The following ETV6 variants were observed in gnomAD, a reference collection of about 807,000 sequenced individuals.
The protein encoded by ETV6 is ETS variant transcription factor 6.
A neutral mutation model predicts 51.1 loss-of-function variants in ETV6; 16 were observed. The observed-to-expected ratio is 0.31, with a 90% CI of 0.21 to 0.48. The LOEUF (loss-of-function observed/expected upper bound fraction) is 0.48, where lower values mean the gene tolerates loss of function less well. Among genes scored for constraint, ETV6 ranks in the 20% least tolerant of loss-of-function variants. The pLI, the probability that ETV6 is intolerant of heterozygous loss-of-function variation, is 0.99. For missense variants in ETV6, 458 were observed against 594.8 expected, an observed-to-expected ratio of 0.77 and a Z score of 2.39; for synonymous variants, 240 against 224.1, an observed-to-expected ratio of 1.07 and a Z score of -0.64.
chr12:11,836,521 C>T (rs1946318690), intron 2 of ETV6, among the ~76,000 whole-genome samples: 1 of 152,112 alleles, frequency 6.6e-6, no homozygotes, highest in Non-Finnish European at 1.5e-5. Flanking sequence ...CTGGTTGCTT[C>T]AGGGGCTGGG....
At chr12:11,704,595 C>T (rs1425837594) in intron 1 of ETV6, among the ~76,000 whole-genome samples, 1 of 152,160 alleles carries the variant, frequency 6.6e-6, no homozygotes, top group Non-Finnish European at 1.5e-5. Flanking sequence ...GTTCCGCCCA[C>T]CTTGGCCTCT....
At chr12:11,835,459 G>A (rs1283962976) in intron 2 of ETV6, among the ~76,000 whole-genome samples, 2 of 152,158 alleles carry the variant, frequency 1.3e-5, no homozygotes, top group African/African-American at 4.8e-5. Flanking sequence ...AGTTATGTAT[G>A]TGCCTCCCTC....
chr12:11,881,331 G>T (rs1301755525), intron 5 of ETV6, among the ~76,000 whole-genome samples: 1 of 152,216 alleles, frequency 6.6e-6, no homozygotes, highest in African/African-American at 2.4e-5. Context: ...AAATGTGTCT[G>T]CCATTTGATA....
chr12:11,850,405 C>T (rs1169803731), intron 3 of ETV6, among the ~76,000 whole-genome samples: 2 of 152,112 alleles, frequency 1.3e-5, no homozygotes, highest in Non-Finnish European at 2.9e-5. Context: ...AGTTAACCTT[C>T]TTTACCCTTT....
At chr12:11,661,813 T>C (rs1864105531) in intron 1 of ETV6, among the ~76,000 whole-genome samples, 1 of 152,220 alleles carries the variant, frequency 6.6e-6, no homozygotes. Flanking sequence ...TTTGCATTTC[T>C]GAGGCTCCTT....
chr12:11,676,707 G>C (rs1197706516), intron 1 of ETV6, among the ~76,000 whole-genome samples: 1 of 152,130 alleles, frequency 6.6e-6, no homozygotes. Flanking sequence ...CACCTTGTTT[G>C]TATGCATCAT....
At chr12:11,802,492 G>A (rs777523689) in intron 2 of ETV6, among the ~76,000 whole-genome samples, 12 of 152,176 alleles carry the variant, frequency 7.9e-5, no homozygotes, top group Non-Finnish European at 1.6e-4. Context: ...GGGTTTATGA[G>A]CACTGCAAAC....
chr12:11,809,973 C>T (rs1945889746), intron 2 of ETV6, among the ~76,000 whole-genome samples: 1 of 151,966 alleles, frequency 6.6e-6, no homozygotes, highest in African/African-American at 2.4e-5. Flanking sequence ...GCACGCACCA[C>T]AACGCCCAGC....
chr12:11,876,948 A>G (rs1243245582), intron 5 of ETV6, among the ~76,000 whole-genome samples: 1 of 152,234 alleles, frequency 6.6e-6, no homozygotes, highest in African/African-American at 2.4e-5. Flanking sequence ...GTGACTTTAA[A>G]AAATACTTTT....
intron 1 of ETV6, among the ~76,000 whole-genome samples, chr12:11,743,924 G>T (rs945435653): frequency 6.6e-6 from 1 of 152,214 alleles, no homozygotes; most frequent in African/African-American, 2.4e-5. Flanking sequence ...AAGGGTTTAC[G>T]AAGAGGCAAA....
At chr12:11,707,012 G>A (rs1277935974) in intron 1 of ETV6, among the ~76,000 whole-genome samples, 3 of 152,182 alleles carry the variant, frequency 2.0e-5, no homozygotes, top group African/African-American at 7.2e-5. Context: ...TGTTCCCAGG[G>A]GGTGGTTGTG....
At chr12:11,678,442 T>C (rs761990658) in intron 1 of ETV6, among the ~76,000 whole-genome samples, 4 of 152,218 alleles carry the variant, frequency 2.6e-5, no homozygotes, top group Non-Finnish European at 4.4e-5. Flanking sequence ...TTTTATGCCA[T>C]ATACTCTACA....
intron 1 of ETV6, among the ~76,000 whole-genome samples, chr12:11,699,877 C>T (rs759121666): frequency 3.3e-5 from 5 of 152,154 alleles, no homozygotes; most frequent in Non-Finnish European, 7.4e-5. Flanking sequence ...ATGCATTGGA[C>T]TTCCTTCATT....
In ETV6 at chr12:11,893,567, A is replaced by G; in HGVS notation, c.*2521A>G. On this transcript the variant is annotated 3_prime_UTR_variant, in exon 8 of 8. Coordinates refer to ENST00000396373, the MANE Select transcript of ETV6 (RefSeq NM_001987.5). The stretch of plus-strand genomic sequence containing the variant: ...CTAATCTGAACAGTTAAAACCCCCA[A>G]ATGCCCCAAAATCCAAACCTTCCTG... 4.3e-6 allele frequency: 1 copy of G among 231,594 alleles called. No individual in the cohort carries two copies. Among genetic ancestry groups the G allele is most frequent in the African/African-American group, 2.2e-5 (1 of 45,264 alleles). 14.3% of individuals were successfully genotyped at this position (231,594 alleles called of 1,614,324 possible). A position where few individuals can be genotyped will look rare whatever the true frequency, so the allele number is the denominator to read the frequency against.
rs144970932 is a variant in ETV6, at chr12:11,894,448, C to G, written c.*3402C>G. The G allele has an allele frequency of 8.1e-5, 19 of 233,144 alleles. No homozygotes were observed. The highest frequency in any genetic ancestry group is 4.0e-4 in the African/African-American group (18 of 45,424). 14.4% of individuals were successfully genotyped at this position (233,144 alleles called of 1,614,324 possible). On this transcript the variant is annotated 3_prime_UTR_variant, in exon 8 of 8. Transcript: ENST00000396373. ...CTTGACCCAGGGCGACTTGGTTTTG[C>G]TTAAGGTGGCATCACCAATGTTCCA...
intron 1 of ETV6, among the ~76,000 whole-genome samples, chr12:11,662,099 C>A (rs1462696214): frequency 1.3e-5 from 2 of 152,136 alleles, no homozygotes; most frequent in East Asian, 3.8e-4. Context: ...TGCATGTTCC[C>A]ACCCTTCCCA....
At chr12:11,727,592 G>T (rs1386961440) in intron 1 of ETV6, among the ~76,000 whole-genome samples, 1 of 152,218 alleles carries the variant, frequency 6.6e-6, no homozygotes, top group African/African-American at 2.4e-5. Context: ...CTTGGAGCTG[G>T]TTTTCTAGTT....
intron 2 of ETV6, among the ~76,000 whole-genome samples, chr12:11,763,579 T>C (rs1945122517): frequency 6.6e-6 from 1 of 152,242 alleles, no homozygotes; most frequent in South Asian, 2.1e-4. Context: ...TTTTGATTCT[T>C]AGAGAAAAAT....
At chr12:11,681,616 C>T (rs1431371935) in intron 1 of ETV6, among the ~76,000 whole-genome samples, 1 of 151,988 alleles carries the variant, frequency 6.6e-6, no homozygotes, top group African/African-American at 2.4e-5. Context: ...GATACATGTG[C>T]AGAATGTGCA....
Sources: allele counts gnomAD v4.1 joint callset (sites outside exome capture counted in the v4.1 genomes callset), GRCh38; gene constraint gnomAD v4.1.1; transcripts MANE v1.5; gene names NCBI Gene and HGNC (gene_info 2026-07-23, HGNC 2026-07-21).